Variants in USP10 observed in about 807,000 individuals in gnomAD.
USP10 encodes the protein ubiquitin specific peptidase 10.
A neutral mutation model predicts 84.5 loss-of-function variants in USP10; 22 were observed. That is an observed-to-expected ratio of 0.26 (90% confidence interval 0.19 to 0.37). USP10 has a LOEUF of 0.37. Ranked by LOEUF, USP10 falls within the 10% of genes least tolerant of loss-of-function variation. The pLI is 1.00. For synonymous variants in USP10, 454 were observed against 387.6 expected, an observed-to-expected ratio of 1.17 and a Z score of -2.01; for missense variants, 1,019 against 998.9, an observed-to-expected ratio of 1.02 and a Z score of -0.27.
intron 1 of USP10, among the ~76,000 whole-genome samples, chr16:84,714,837 A>T (rs961341440): frequency 6.6e-6 from 1 of 151,734 alleles, no homozygotes; most frequent in Non-Finnish European, 1.5e-5. Context: ...TAAAACATGA[A>T]TTTTTTTAAA....
At chr16:84,764,026 T>C in intron 9 of USP10, 60 bp from the exon 10 acceptor site, 1 of 763,914 alleles carries the variant, frequency 1.3e-6, no homozygotes, top group South Asian at 5.4e-5. Context: ...GATCTGTGCC[T>C]TTTTTTTTTT....
chr16:84,756,507 C>G (rs920500559), intron 4 of USP10, among the ~76,000 whole-genome samples: 1 of 152,168 alleles, frequency 6.6e-6, no homozygotes, highest in African/African-American at 2.4e-5. Flanking sequence ...GCAGGAAAAT[C>G]ACTTGAACCC....
chr16:84,761,186 TCAA>T (rs1913167642), intron 8 of USP10, among the ~76,000 whole-genome samples: 1 of 152,014 alleles, frequency 6.6e-6, no homozygotes. Context: ...TAATGAATAG[TCAA>T]CAAGAGAAGC....
chr16:84,751,907 A>C (rs1196101671), intron 4 of USP10, among the ~76,000 whole-genome samples: 3 of 152,198 alleles, frequency 2.0e-5, no homozygotes, highest in South Asian at 4.1e-4. Context: ...GTGTAAGAAT[A>C]ATCATAGCTT....
intron 1 of USP10, among the ~76,000 whole-genome samples, chr16:84,700,906 C>T (rs1904783421): frequency 6.6e-6 from 1 of 152,062 alleles, no homozygotes; most frequent in South Asian, 2.1e-4. Context: ...CCCCTTCTCT[C>T]ACATCTTCTC....
At chr16:84,769,165 A>C (rs1597397327) in intron 11 of USP10, among the ~76,000 whole-genome samples, 1 of 152,342 alleles carries the variant, frequency 6.6e-6, no homozygotes, top group African/African-American at 2.4e-5. Context: ...TATTTGAATA[A>C]TGGGCAGTGG....
Position 84,759,374 on chromosome 16 carries a change from A to G in USP10, c.1296A>G (p.Ala432=), listed in dbSNP as rs1343789670. Residue 432 remains alanine, a synonymous_variant, in exon 6 of 14, where the codon GCA becomes GCG. Coordinates refer to ENST00000219473, the MANE Select transcript of USP10 (RefSeq NM_005153.3). ...NWCYINATLQ[A]LVACPPMYHL... ...CTGCCACTACATAGACACTGCAGGC[A>G]TTGGTTGCTTGCCCGCCGATGTACC... 31 of 1,613,990 alleles carry G rather than the reference A, an allele frequency of 1.9e-5. No homozygotes were observed. Among genetic ancestry groups the G allele is most frequent in the Non-Finnish European group, 2.5e-5 (30 of 1,179,890 alleles).
rs1468487933 is a variant in USP10, at chr16:84,749,104, A to T, written c.1192+3431A>T. 7.2e-5 allele frequency among the ~76,000 whole-genome samples: 11 copies of T among 152,248 alleles called. No homozygotes were observed. In the South Asian group the frequency reaches 2.3e-3, roughly 31 times the overall value. The stretch of plus-strand genomic sequence containing the variant: ...CGTGAGATAGTAGAGCAATAGAGTC[A>T]CATTGAATAACCCTTGGGATCATAT... On this transcript the variant is annotated intron_variant, in intron 4 of 13. Transcript: ENST00000219473.
intron 1 of USP10, among the ~76,000 whole-genome samples, chr16:84,715,050 T>A (rs1297032126): frequency 6.6e-6 from 1 of 151,934 alleles, no homozygotes. Flanking sequence ...TGCCTCAGCC[T>A]CCTGAGTAGC....
At chr16:84,704,782 C>G in intron 1 of USP10, 3 of 1,535,412 alleles carry the variant, frequency 2.0e-6, no homozygotes, top group Non-Finnish European at 2.6e-6. Flanking sequence ...ACTTGAGAAC[C>G]CAGAAGCTCT....
intron 1 of USP10, among the ~76,000 whole-genome samples, chr16:84,719,675 G>A (rs2150776072): frequency 6.6e-6 from 1 of 152,334 alleles, no homozygotes; most frequent in Non-Finnish European, 1.5e-5. Context: ...CTCTTCTAGT[G>A]TATGTAGGTC....
chr16:84,738,733 G>GT (rs1406364873), intron 2 of USP10, among the ~76,000 whole-genome samples: 1 of 152,206 alleles, frequency 6.6e-6, no homozygotes, highest in Non-Finnish European at 1.5e-5. Flanking sequence ...GTGTTTTCCT[G>GT]TTTGTCATAA....
At chr16:84,743,368 C>T (rs1037655595) in intron 3 of USP10, among the ~76,000 whole-genome samples, 1 of 152,120 alleles carries the variant, frequency 6.6e-6, no homozygotes, top group Non-Finnish European at 1.5e-5. Context: ...TTCAGGAGGC[C>T]TCGGGAGGCT....
At chr16:84,742,862 A>AT (rs1265789671) in intron 3 of USP10, among the ~76,000 whole-genome samples, 84 of 152,378 alleles carry the variant, frequency 5.5e-4, no homozygotes, top group African/African-American at 2.0e-3. Context: ...TTCACGTTAC[A>AT]TCACATTCTA....
intron 3 of USP10, among the ~76,000 whole-genome samples, chr16:84,743,305 C>T (rs1033793427): frequency 3.3e-5 from 5 of 152,132 alleles, no homozygotes; most frequent in African/African-American, 1.2e-4. Context: ...ATTGTGCTGC[C>T]ACCACCCTTC....
chr16:84,731,484 C>G (rs1909226186), intron 1 of USP10, among the ~76,000 whole-genome samples: 1 of 152,014 alleles, frequency 6.6e-6, no homozygotes, highest in Non-Finnish European at 1.5e-5. Flanking sequence ...TTCTCGAATT[C>G]ATTTTCTGGA....
intron 1 of USP10, among the ~76,000 whole-genome samples, chr16:84,717,101 C>T (rs886127506): frequency 6.6e-6 from 1 of 152,166 alleles, no homozygotes; most frequent in African/African-American, 2.4e-5. Context: ...CTGGGGTGGG[C>T]CCTGTGCGCT....
At chr16:84,723,595 C>T (rs1597305223) in intron 1 of USP10, among the ~76,000 whole-genome samples, 1 of 152,278 alleles carries the variant, frequency 6.6e-6, no homozygotes, top group East Asian at 1.9e-4. Context: ...GTTTTTTCAT[C>T]TTCCTCTTCC....
chr16:84,700,295 C>T (rs1016894841), intron 1 of USP10, among the ~76,000 whole-genome samples, 184 bp downstream of exon 1: 1 of 151,910 alleles, frequency 6.6e-6, no homozygotes, highest in Non-Finnish European at 1.5e-5. Context: ...CGCCTTCGTC[C>T]CCTGAGCCAC....
Sources: allele counts gnomAD v4.1 joint callset (sites outside exome capture counted in the v4.1 genomes callset), GRCh38; gene constraint gnomAD v4.1.1; transcripts MANE v1.5; gene names NCBI Gene and HGNC (gene_info 2026-07-23, HGNC 2026-07-21).